The following ZFHX2 variants were observed in gnomAD, a reference collection of about 807,000 sequenced individuals.
ZFHX2 encodes zinc finger homeobox protein 2.
A neutral mutation model predicts 164.8 loss-of-function variants in ZFHX2; 75 were observed. The observed-to-expected ratio is 0.46, with a 90% CI of 0.38 to 0.55. The LOEUF (loss-of-function observed/expected upper bound fraction) is 0.55, where lower values mean the gene tolerates loss of function less well. Ranked by LOEUF, ZFHX2 falls within the 20% of genes least tolerant of loss-of-function variation. The probability of loss-of-function intolerance (pLI) is 0.00; values close to 1 mark genes in which losing one functional copy is unlikely to be tolerated. For missense variants in ZFHX2, 2,933 were observed against 3,308.0 expected (o/e 0.89, Z 2.78); for synonymous variants, 1,217 against 1,351.4 (o/e 0.90, Z 2.18).
chr14:23,550,687 A>G (rs1008162080), intron 1 of ZFHX2, among the ~76,000 whole-genome samples: 3 of 152,176 alleles, frequency 2.0e-5, no homozygotes, highest in African/African-American at 7.2e-5. Context: ...GGGTGGTAGG[A>G]TGGGCGTGCA....
Position 23,522,420 on chromosome 14 carries a change from G to A in ZFHX2, c.7261C>T (p.Leu2421=), listed in dbSNP as rs1396642474. The change falls in exon 10 of 10, where the codon CTG becomes TTG. Residue 2421 remains leucine, a synonymous_variant. Transcript: ENST00000419474. ...TATAPPKPPE[L]PAPGEGEAGE... is the part of the protein sequence containing the mutation. ...GCTTCCCCCTCCCCTGGAGCAGGCA[G>A]TTCAGGAGGCTTTGGAGGTGCTGTG... 6.5e-7 allele frequency: 1 copy of A among 1,536,494 alleles called. No homozygotes were observed. Among genetic ancestry groups the A allele is most frequent in the Admixed American group, 2.0e-5 (1 of 50,992 alleles).
rs917101420 is a variant in ZFHX2, at chr14:23,532,676, G to A, written c.2450C>T (p.Ser817Phe). 6.6e-7 allele frequency: 1 copy of A among 1,519,760 alleles called. No homozygotes were observed. The highest frequency in any genetic ancestry group is 8.8e-7 in the Non-Finnish European group (1 of 1,137,756). The allele number at this position is 1,519,760 out of a possible 1,614,324, so 94.1% of individuals were successfully genotyped here. A position where few individuals can be genotyped will look rare whatever the true frequency, so the allele number is the denominator to read the frequency against. The change falls in exon 3 of 10, where the codon TCC (serine) becomes TTC (phenylalanine). Residue 817 changes from serine (S) to phenylalanine (F), a missense_variant. Physicochemically the swap from Ser to Phe is radical, Grantham distance 155. Coordinates refer to ENST00000419474, the MANE Select transcript of ZFHX2 (RefSeq NM_033400.3). ...LGDGAPYGSV[S>F]PLHLRCNICD... ...GATGTTGCAGCGCAGGTGTAGTGGG[G>A]AGACAGACCCATAAGGAGCCCCATC...
At chr14:23,529,673 C>T (rs1330119091) in intron 6 of ZFHX2, 37 bp downstream of exon 6, 1 of 1,524,402 alleles carries the variant, frequency 6.6e-7, no homozygotes, top group Non-Finnish European at 8.8e-7. Flanking sequence ...AAAGCCAGGC[C>T]CCCACTTCAG....
chr14:23,543,108 C>T (rs1881004881), intron 1 of ZFHX2: 1 of 152,190 alleles, frequency 6.6e-6, no homozygotes, highest in Non-Finnish European at 1.5e-5. Context: ...GTAATGACTG[C>T]ATTTAAATAG....
intron 1 of ZFHX2, among the ~76,000 whole-genome samples, chr14:23,537,339 G>A (rs1310173408): frequency 6.6e-6 from 1 of 151,792 alleles, no homozygotes; most frequent in East Asian, 1.9e-4. Flanking sequence ...GTCCTCTCTA[G>A]CTCTCGTATT....
intron 1 of ZFHX2, among the ~76,000 whole-genome samples, chr14:23,544,630 G>T (rs1052213154): frequency 2.0e-5 from 3 of 152,180 alleles, no homozygotes; most frequent in African/African-American, 4.8e-5. Flanking sequence ...GCCCGTATGT[G>T]GTTGGCCCGG....
rs1263239285 is a variant in ZFHX2 at position 23,524,320 on chromosome 14, A to G, written c.5622T>C (p.Arg1874=). The G allele has an allele frequency of 6.5e-7, 1 of 1,536,290 alleles. No homozygotes were observed. The highest frequency in any genetic ancestry group is 1.2e-5 in the South Asian group (1 of 84,064). ...ILPEQLEILY[R]WYMQDSNPTR... Reference sequence around the variant, plus strand: ...TTGGGTTGGAATCCTGCATGTACCAACGGTACAGGATCTCTAGCTGCTCAG... The same window carrying G: ...TTGGGTTGGAATCCTGCATGTACCAGCGGTACAGGATCTCTAGCTGCTCAG... Residue 1874 remains arginine, a synonymous_variant, in exon 9 of 10, where the codon CGT becomes CGC. Coordinates refer to ENST00000419474, the MANE Select transcript of ZFHX2 (RefSeq NM_033400.3). This position sits in a 1 kb window ranked among gnomAD's most constrained non-coding sequence, Gnocchi z 5.6.
intron 1 of ZFHX2, among the ~76,000 whole-genome samples, chr14:23,549,097 T>C (rs1284098822): frequency 1.3e-5 from 2 of 152,198 alleles, no homozygotes; most frequent in Non-Finnish European, 2.9e-5. Context: ...AATTTCATAG[T>C]GCTTTTTCTG....
At chr14:23,550,339 A>C (rs1362682296) in intron 1 of ZFHX2, among the ~76,000 whole-genome samples, 2 of 152,228 alleles carry the variant, frequency 1.3e-5, no homozygotes, top group East Asian at 3.8e-4. Context: ...CATGACTGAT[A>C]AGCAAATTCC....
At position 23,524,075 on chromosome 14, in the gene ZFHX2, C is replaced by T. The variant is rs1471905299; in HGVS notation, c.5867G>A (p.Arg1956Lys). Residue 1956 changes from arginine to lysine, a missense_variant, in exon 9 of 10, where the codon AGG becomes AAG. By Grantham distance (26) the Arg-to-Lys change is conservative (BLOSUM62 2). Transcript: ENST00000419474. This position sits in a 1 kb window ranked among gnomAD's most constrained non-coding sequence, Gnocchi z 5.6. ...AGGTGCTTCCCTCTTTGGGGCTTCC[C>T]TCCCAGTGCCATCATCTACCTTGCC... Reference protein sequence around the residue: ...LLGKVDDGTGREAPKREAPAF... With the variant: ...LLGKVDDGTGKEAPKREAPAF... 1 of 1,524,068 alleles carries T rather than the reference C, an allele frequency of 6.6e-7. No individual in the cohort carries two copies. Among genetic ancestry groups the T allele is most frequent in the Non-Finnish European group, 8.8e-7 (1 of 1,140,104 alleles). The allele number at this position is 1,524,068 out of a possible 1,614,324, so 94.4% of individuals were successfully genotyped here. A position where few individuals can be genotyped will look rare whatever the true frequency, so the allele number is the denominator to read the frequency against.
Position 23,522,438 on chromosome 14 carries a change from G to A in ZFHX2, c.7243C>T (p.Pro2415Ser), listed in dbSNP as rs1411609880. ...PQPPEPTATA[P>S]PKPPELPAPG... Reference sequence around the variant, plus strand: ...GCAGGCAGTTCAGGAGGCTTTGGAGGTGCTGTGGCTGTGGGCTCAGGGGGC... The same window carrying A: ...GCAGGCAGTTCAGGAGGCTTTGGAGATGCTGTGGCTGTGGGCTCAGGGGGC... The change falls in exon 10 of 10, where the codon CCT becomes TCT. Residue 2415 changes from proline to serine, a missense_variant. Pro to Ser is a moderately conservative substitution (Grantham distance 74, BLOSUM62 -1). Transcript: ENST00000419474. 1 of 1,536,502 alleles carries A rather than the reference G, an allele frequency of 6.5e-7. No individual in the cohort carries two copies. The highest frequency in any genetic ancestry group is 8.7e-7 in the Non-Finnish European group (1 of 1,146,910).
intron 1 of ZFHX2, among the ~76,000 whole-genome samples, chr14:23,540,738 T>G (rs1880706734): frequency 6.6e-6 from 1 of 152,188 alleles, no homozygotes; most frequent in African/African-American, 2.4e-5. Flanking sequence ...TAATGATATT[T>G]TCCTTACTCA....
rs781082212 is a variant in ZFHX2 at position 23,523,745 on chromosome 14, C to A, written c.6197G>T (p.Arg2066Leu). ...GTGVPDGMGQRRYRTQMSSLQ... is the reference protein window; with the variant it reads ...GTGVPDGMGQLRYRTQMSSLQ... The stretch of plus-strand genomic sequence containing the variant: ...GCTGCTCATCTGGGTCCTGTAGCGC[C>A]GCTGCCCCATTCCATCTGGAACCCC... Residue 2066 changes from arginine to leucine, a missense_variant, in exon 9 of 10, where the codon CGG becomes CTG. By Grantham distance (102) the Arg-to-Leu change is moderately radical. Transcript: ENST00000419474. This position sits in a 1 kb window ranked among gnomAD's most constrained non-coding sequence, Gnocchi z 4.1. The A allele has an allele frequency of 6.5e-7, 1 of 1,536,152 alleles. No individual in the cohort carries two copies. The highest frequency in any genetic ancestry group is 8.7e-7 in the Non-Finnish European group (1 of 1,146,948).
At chr14:23,545,393 T>C (rs1316466227) in intron 1 of ZFHX2, among the ~76,000 whole-genome samples, 1 of 152,204 alleles carries the variant, frequency 6.6e-6, no homozygotes, top group Admixed American at 6.5e-5. Flanking sequence ...GCTTCCTGTT[T>C]GCTCTCCAAT....
chr14:23,524,494 G>T lies in ZFHX2; in HGVS notation c.5448C>A (p.Asn1816Lys). Residue 1816 changes from asparagine to lysine, a missense_variant, in exon 9 of 10, where the codon AAC becomes AAA. By Grantham distance (94) the Asn-to-Lys change is moderately conservative. Transcript: ENST00000419474. This position sits in a 1 kb window ranked among gnomAD's most constrained non-coding sequence, Gnocchi z 5.6. ...TTGGTGAGGTGGCTGCCACCAGGGG[G>T]TTTCTCTCCCCAAACACCAGCAAGG... The part of the protein sequence containing the change: ...DLPLLVFGER[N>K]PLVAATSPMP... 3.3e-6 allele frequency: 5 copies of T among 1,529,144 alleles called. No individual in the cohort carries two copies. The highest frequency in any genetic ancestry group is 4.4e-6 in the Non-Finnish European group (5 of 1,143,048). The allele number at this position is 1,529,144 out of a possible 1,614,324, so 94.7% of individuals were successfully genotyped here.
intron 1 of ZFHX2, among the ~76,000 whole-genome samples, chr14:23,550,686 G>C (rs1208180048): frequency 6.6e-6 from 1 of 152,208 alleles, no homozygotes; most frequent in African/African-American, 2.4e-5. Context: ...GGGGTGGTAG[G>C]ATGGGCGTGC....
rs895855782 is a variant in ZFHX2 at position 23,531,823 on chromosome 14, G to A, written c.2560-102C>T. The A allele has an allele frequency of 8.0e-6, 10 of 1,248,718 alleles. No homozygotes were observed. The African/African-American group carries it at 1.4e-4, about 17-fold the overall frequency. The allele number at this position is 1,248,718 out of a possible 1,614,324, so 77.4% of individuals were successfully genotyped here. A position where few individuals can be genotyped will look rare whatever the true frequency, so the allele number is the denominator to read the frequency against. On this transcript the variant is annotated intron_variant, in intron 3 of 9. Coordinates refer to ENST00000419474, the MANE Select transcript of ZFHX2 (RefSeq NM_033400.3). ...GAGAGAGTCTTGCCCTGTTGCCCAG[G>A]CTGGAGTGCAGTGGCATGATCTCTA...
rs1188711447 is a variant in ZFHX2, at chr14:23,522,183, A to G, written c.7498T>C (p.Cys2500Arg). The change falls in exon 10 of 10, where the codon TGT becomes CGT. Residue 2500 changes from cysteine (C) to arginine (R), a missense_variant. By Grantham distance (180) the Cys-to-Arg change is radical. Transcript: ENST00000419474. ...VPICTYHCLA[C>R]EVLLSGREAL... ...TCACGCCCACTCAGCAGCACCTCAC[A>G]TGCCAGGCAGTGGTAGGTGCAGATG... The G allele has an allele frequency of 3.3e-6, 5 of 1,493,208 alleles. No individual in the cohort carries two copies. The highest frequency in any genetic ancestry group is 4.4e-6 in the Non-Finnish European group (5 of 1,125,650). The allele number at this position is 1,493,208 out of a possible 1,614,324, so 92.5% of individuals were successfully genotyped here. A position where few individuals can be genotyped will look rare whatever the true frequency, so the allele number is the denominator to read the frequency against.
rs933053923 is a variant in ZFHX2 at position 23,524,535 on chromosome 14, G to C, written c.5407C>G (p.Gln1803Glu). 1.1e-5 allele frequency: 17 copies of C among 1,525,232 alleles called. No homozygotes were observed. The highest frequency in any genetic ancestry group is 1.3e-5 in the Non-Finnish European group (15 of 1,140,990). The allele number at this position is 1,525,232 out of a possible 1,614,324, so 94.5% of individuals were successfully genotyped here. A position where few individuals can be genotyped will look rare whatever the true frequency, so the allele number is the denominator to read the frequency against. ...ACCAGCAAGGGCAGATCTAGGAGTT[G>C]GGGGGGAGCACTGGGCTGCAGAGAT... The part of the protein sequence containing the change: ...LPSLQPSAPP[Q>E]LLDLPLLVFG... The change falls in exon 9 of 10, where the codon CAA (glutamine) becomes GAA (glutamate). Residue 1803 changes from glutamine (Q) to glutamate (E), a missense_variant. Coordinates refer to ENST00000419474, the MANE Select transcript of ZFHX2 (RefSeq NM_033400.3). This position sits in a 1 kb window ranked among gnomAD's most constrained non-coding sequence, Gnocchi z 5.6.
Sources: gnomAD v4.1 joint callset for allele counts (sites outside exome capture counted in the v4.1 genomes callset) on GRCh38, gnomAD v4.1.1 for gene constraint, Gnocchi (gnomAD v3.1) non-coding constraint, MANE v1.5 for transcripts, NCBI Gene and HGNC (gene_info 2026-07-23, HGNC 2026-07-21) for gene names.